PNOC: variants seen among roughly 807,000 people sequenced by gnomAD.
The protein encoded by PNOC is prepronociceptin.
A neutral mutation model predicts 15.6 loss-of-function variants in PNOC; 10 were observed. That is an observed-to-expected ratio of 0.64 (90% CI 0.40 to 1.09). The LOEUF is 1.09. Ranked by LOEUF, PNOC falls within the 50% of genes least tolerant of loss-of-function variation. PNOC has a pLI of 0.01. For synonymous variants in PNOC, 98 were observed against 88.5 expected, an observed-to-expected ratio of 1.11 and a Z score of -0.60; for missense variants, 220 against 223.9, an observed-to-expected ratio of 0.98 and a Z score of 0.11.
At chr8:28,329,867 T>G (rs987112453) in intron 2 of PNOC, among the ~76,000 whole-genome samples, 7 of 152,166 alleles carry the variant, frequency 4.6e-5, no homozygotes, top group African/African-American at 1.7e-4. Context: ...TACATTATAT[T>G]AAGTATTATA....
chr8:28,340,668 T>A (rs1423370717), intron 3 of PNOC, among the ~76,000 whole-genome samples: 1 of 152,226 alleles, frequency 6.6e-6, no homozygotes, highest in Non-Finnish European at 1.5e-5. Flanking sequence ...TTGGCTCACG[T>A]TCTGCAGTCT....
At position 28,339,511 on chromosome 8, in the gene PNOC, G is replaced by A; in HGVS notation, c.*47+20G>A. ...CCATGAGTGAGTTGGGCACCAATAA[G>A]CTGGGGGCAAGGAGAGACCTCACAC... On this transcript the variant is annotated intron_variant, in intron 3 of 3. Coordinates refer to ENST00000301908, the MANE Select transcript of PNOC (RefSeq NM_006228.5). 2.0e-6 allele frequency: 3 copies of A among 1,479,328 alleles called. No homozygotes were observed. The highest frequency in any genetic ancestry group is 2.7e-6 in the Non-Finnish European group (3 of 1,117,402). 91.6% of individuals were successfully genotyped at this position (1,479,328 alleles called of 1,614,324 possible).
At chr8:28,320,607 T>C (rs147558941) in intron 1 of PNOC, among the ~76,000 whole-genome samples, 19 of 152,120 alleles carry the variant, frequency 1.2e-4, no homozygotes, top group African/African-American at 4.6e-4. Context: ...TCCCAGCACT[T>C]TGGGAGGCCG....
At chr8:28,322,012 A>G (rs1056572831) in intron 1 of PNOC, among the ~76,000 whole-genome samples, 11 of 152,348 alleles carry the variant, frequency 7.2e-5, no homozygotes, top group Non-Finnish European at 1.5e-4. Flanking sequence ...GGCATCGGGA[A>G]GACCCACCTA....
Position 28,339,105 on chromosome 8 carries a change from CA to C in PNOC, c.193del (p.Met65TrpfsTer89), listed in dbSNP as rs1801464795. 1 of 1,608,990 alleles carries C rather than the reference CA, an allele frequency of 6.2e-7. No homozygotes were observed. Among genetic ancestry groups the C allele is most frequent in the South Asian group, 1.1e-5 (1 of 91,006 alleles). ...CCCTCTGGACTCCATGCACCAAGGT[CA>C]TGGCCAGGAGCTCTTGGCAGCTCAG... ...SPLWTPCTKV[M>X]ARSSWQLSPA... On this transcript the variant is annotated frameshift_variant, in exon 3 of 4. Coordinates refer to ENST00000301908, the MANE Select transcript of PNOC (RefSeq NM_006228.5). LOFTEE classifies it high-confidence loss of function.
chr8:28,324,165 T>C (rs1363336319), intron 1 of PNOC, among the ~76,000 whole-genome samples: 1 of 152,196 alleles, frequency 6.6e-6, no homozygotes, highest in Admixed American at 6.5e-5. Context: ...GGCCTCACAT[T>C]TCACCTGCAG....
At chr8:28,330,399 T>TTA (rs796269575) in intron 2 of PNOC, among the ~76,000 whole-genome samples, 12 of 104,102 alleles carry the variant, frequency 1.2e-4, no homozygotes, top group African/African-American at 3.4e-4. Context: ...TTATTTTATT[T>TTA]TTTTTTTTTT....
intron 1 of PNOC, among the ~76,000 whole-genome samples, chr8:28,328,756 T>C (rs1010237900): frequency 6.6e-6 from 1 of 152,168 alleles, no homozygotes; most frequent in Admixed American, 6.5e-5. Context: ...TAATGTCACA[T>C]GCTGGTAAAC....
intron 2 of PNOC, chr8:28,338,798 G>A (rs537633467): frequency 1.0e-5 from 12 of 1,173,436 alleles, no homozygotes; most frequent in East Asian, 9.5e-5. Flanking sequence ...GGTAAGTTAC[G>A]CTCACCTCTC....
At chr8:28,330,477 C>T (rs1369595005) in intron 2 of PNOC, among the ~76,000 whole-genome samples, 3 of 141,684 alleles carry the variant, frequency 2.1e-5, no homozygotes, top group African/African-American at 7.7e-5. Flanking sequence ...TCACTGCAAG[C>T]TCTGCCTCCT....
At chr8:28,325,672 G>GAAAAAAAAAAAAAAAAAGAAAAAA (rs558412916) in intron 1 of PNOC, among the ~76,000 whole-genome samples, 1 of 94,482 alleles carries the variant, frequency 1.1e-5, no homozygotes, top group Non-Finnish European at 2.5e-5. Context: ...AAAAGAAAAA[G>GAAAAAAAAAAAAAAAAAGAAAAAA]AAAAAAAAAA....
intron 2 of PNOC, chr8:28,338,529 A>G: frequency 1.1e-6 from 1 of 921,704 alleles, no homozygotes; most frequent in Non-Finnish European, 1.3e-6. Context: ...GGGATGAAAA[A>G]TTAACAACAC....
intron 1 of PNOC, among the ~76,000 whole-genome samples, chr8:28,324,912 C>T (rs1481678938): frequency 2.0e-5 from 3 of 152,046 alleles, no homozygotes; most frequent in Non-Finnish European, 2.9e-5. Flanking sequence ...AGGTTCTTTC[C>T]TTCTTTTCCT....
chr8:28,339,522 G>A, intron 3 of PNOC, 31 bp downstream of exon 3: 1 of 1,455,474 alleles, frequency 6.9e-7, no homozygotes, highest in Non-Finnish European at 9.1e-7. Context: ...CTGGGGGCAA[G>A]GAGAGACCTC....
At chr8:28,330,376 A>ATTTTC (rs1801301959) in intron 2 of PNOC, among the ~76,000 whole-genome samples, 1 of 63,560 alleles carries the variant, frequency 1.6e-5, no homozygotes, top group Admixed American at 2.2e-4. Flanking sequence ...ATTTTATTTT[A>ATTTTC]TTTTATTTTA....
At chr8:28,325,672 GA>G (rs558412916) in intron 1 of PNOC, among the ~76,000 whole-genome samples, 142 of 94,444 alleles carry the variant, frequency 1.5e-3, no homozygotes, top group African/African-American at 3.3e-3. Context: ...AAAAGAAAAA[GA>G]AAAAAAAAAA....
intron 3 of PNOC, 67 bp downstream of exon 3, chr8:28,339,558 C>G: frequency 7.8e-7 from 1 of 1,286,278 alleles, no homozygotes; most frequent in Non-Finnish European, 1.0e-6. Context: ...TAGCCTTGCT[C>G]CCAGGCCTAG....
At chr8:28,327,525 A>G (rs1206543901) in intron 1 of PNOC, among the ~76,000 whole-genome samples, 2 of 152,146 alleles carry the variant, frequency 1.3e-5, no homozygotes, top group Non-Finnish European at 2.9e-5. Flanking sequence ...TACTGTAACA[A>G]AAGAGCGTAT....
chr8:28,321,206 A>ATTTTTT (rs34876674), intron 1 of PNOC, among the ~76,000 whole-genome samples: 19 of 122,786 alleles, frequency 1.5e-4, no homozygotes, highest in African/African-American at 3.4e-4. Flanking sequence ...ACCTAGCTAA[A>ATTTTTT]TTTTTTTTTT....
Sources: allele counts gnomAD v4.1 joint callset (sites outside exome capture counted in the v4.1 genomes callset), GRCh38; gene constraint gnomAD v4.1.1; transcripts MANE v1.5; gene names NCBI Gene and HGNC (gene_info 2026-07-23, HGNC 2026-07-21).